SLC45A4: variants seen among roughly 807,000 people sequenced by gnomAD.
SLC45A4 encodes polyamine-transporter SLC45A4.
In SLC45A4, 32 loss-of-function variants were observed where a neutral mutation model predicts 63.7. The observed-to-expected ratio is 0.50, with a 90% CI of 0.38 to 0.67. SLC45A4 has a LOEUF of 0.67. SLC45A4 is among the 30% of genes least tolerant of loss of function. The pLI, the probability that SLC45A4 is intolerant of heterozygous loss-of-function variation, is 0.00. For missense variants in SLC45A4, 1,027 were observed against 1,157.7 expected (o/e 0.89, Z 1.64); for synonymous variants, 535 against 510.0 (o/e 1.05, Z -0.66).
intron 2 of SLC45A4, among the ~76,000 whole-genome samples, chr8:141,235,564 G>A (rs1220628480): frequency 6.6e-6 from 1 of 152,228 alleles, no homozygotes; most frequent in Non-Finnish European, 1.5e-5. Context: ...GCCACAGGGA[G>A]CCAGGCTGGC....
intron 1 of SLC45A4, among the ~76,000 whole-genome samples, chr8:141,306,240 AAC>A (rs1026491440): frequency 4.6e-5 from 7 of 152,186 alleles, no homozygotes; most frequent in African/African-American, 2.4e-5. Flanking sequence ...GGGCCAAAAA[AAC>A]ACACCTTTAA....
chr8:141,239,540 G>T (rs567143608), intron 2 of SLC45A4, among the ~76,000 whole-genome samples: 1 of 151,800 alleles, frequency 6.6e-6, no homozygotes, highest in Admixed American at 6.6e-5. Flanking sequence ...GCTTAGCAAA[G>T]TAAGTGCTTA....
At chr8:141,216,061 C>G in intron 6 of SLC45A4, 91 bp from the exon 7 acceptor site, 2 of 1,140,318 alleles carry the variant, frequency 1.8e-6, no homozygotes, top group South Asian at 1.4e-5. Context: ...CCCCCCACAT[C>G]CCCCCGACCT....
At chr8:141,269,554 C>CGCG (rs2154614897) in intron 1 of SLC45A4, among the ~76,000 whole-genome samples, 1 of 143,920 alleles carries the variant, frequency 6.9e-6, no homozygotes, top group East Asian at 2.0e-4. Flanking sequence ...GTGGGTGTGT[C>CGCG]TGTGTGTCAA....
chr8:141,277,197 C>T (rs1363834629), intron 1 of SLC45A4, among the ~76,000 whole-genome samples: 2 of 152,360 alleles, frequency 1.3e-5, no homozygotes, highest in South Asian at 2.1e-4. Context: ...GTTTTGTCTG[C>T]ATCCTGTGAC....
chr8:141,207,426 C>T lies in SLC45A4; in HGVS notation c.*4146G>A, dbSNP rs116984236. 757 of 152,278 alleles carry T rather than the reference C, an allele frequency of 5.0e-3. 2 individuals are homozygous for T. The highest frequency in any genetic ancestry group is 7.6e-3 in the Non-Finnish European group (517 of 67,998). The allele number at this position is 152,278 out of a possible 1,614,324, so 9.4% of individuals were successfully genotyped here. On this transcript the variant is annotated 3_prime_UTR_variant, in exon 9 of 9. Transcript: ENST00000517878. ...TAATAGAAGAGAGTCATGAGCGACA[C>T]GACACTTCCTTACGACCTCTCTCTC...
intron 1 of SLC45A4, among the ~76,000 whole-genome samples, chr8:141,266,302 G>GCGGCACATGCTGATGAGGGC (rs1467813934): frequency 6.6e-6 from 1 of 152,194 alleles, no homozygotes; most frequent in Non-Finnish European, 1.5e-5. Context: ...CCGCTTGTGG[G>GCGGCACATGCTGATGAGGGC]CGGCACATGC....
intron 1 of SLC45A4, among the ~76,000 whole-genome samples, chr8:141,297,925 C>T (rs1222455819): frequency 1.1e-5 from 1 of 91,150 alleles, no homozygotes; most frequent in South Asian, 4.8e-4. Context: ...GGACATGACA[C>T]CCAAAATTGC....
intron 2 of SLC45A4, chr8:141,228,687 T>C: frequency 1.1e-5 from 10 of 950,674 alleles, no homozygotes; most frequent in Non-Finnish European, 1.3e-5. Flanking sequence ...GCCTTTGGCC[T>C]GAGATTCCGG....
intron 6 of SLC45A4, among the ~76,000 whole-genome samples, chr8:141,216,424 G>A (rs915646635): frequency 1.3e-5 from 2 of 152,204 alleles, no homozygotes; most frequent in Non-Finnish European, 2.9e-5. Flanking sequence ...TTCCTGATGC[G>A]GCAGCTCAGA....
intron 2 of SLC45A4, chr8:141,228,497 A>G (rs149552210): frequency 4.3e-5 from 57 of 1,321,014 alleles, no homozygotes; most frequent in Non-Finnish European, 5.2e-5. Context: ...CTTCACTGGC[A>G]GGCACCTGTC....
chr8:141,211,522 C>G lies in SLC45A4; in HGVS notation c.*50G>C. On this transcript the variant is annotated 3_prime_UTR_variant, in exon 9 of 9. Transcript: ENST00000517878. ...GTCGCTGCCCAAGGACAGGGCTGCC[C>G]TGGGCACAATGTGTCCAACTCGCTG... is the stretch of plus-strand genomic sequence containing the variant. 6.2e-7 allele frequency: 1 copy of G among 1,612,780 alleles called. No individual in the cohort carries two copies. The highest frequency in any genetic ancestry group is 8.5e-7 in the Non-Finnish European group (1 of 1,179,728).
chr8:141,216,264 G>A (rs1471948979), intron 6 of SLC45A4, among the ~76,000 whole-genome samples: 1 of 152,250 alleles, frequency 6.6e-6, no homozygotes, highest in Non-Finnish European at 1.5e-5. Context: ...TGCCCTGCCA[G>A]GCCAATCTGG....
intron 2 of SLC45A4, among the ~76,000 whole-genome samples, chr8:141,231,360 T>TG (rs1827338628): frequency 6.6e-6 from 1 of 152,056 alleles, no homozygotes; most frequent in African/African-American, 2.4e-5. Flanking sequence ...TGCAAGTTGG[T>TG]GGGGGGAGGA....
At chr8:141,274,667 C>T (rs999894165) in intron 1 of SLC45A4, among the ~76,000 whole-genome samples, 7 of 152,198 alleles carry the variant, frequency 4.6e-5, no homozygotes, top group Admixed American at 2.0e-4. Context: ...ACCCTCTCCC[C>T]TTCACTCTCC....
At chr8:141,240,878 C>T (rs184199994) in intron 2 of SLC45A4, among the ~76,000 whole-genome samples, 9 of 152,348 alleles carry the variant, frequency 5.9e-5, no homozygotes, top group East Asian at 1.9e-4. Context: ...GCCTGCAGGA[C>T]GCTTCCCAGA....
chr8:141,257,620 T>C (rs1354086473), intron 1 of SLC45A4, among the ~76,000 whole-genome samples: 1 of 152,220 alleles, frequency 6.6e-6, no homozygotes, highest in African/African-American at 2.4e-5. Flanking sequence ...GCAATAAATG[T>C]CTGTAATAAG....
rs1826306083 is a variant in SLC45A4, at chr8:141,218,239, C to T, written c.1401G>A (p.Gln467=). The T allele has an allele frequency of 1.2e-6, 2 of 1,601,672 alleles. No homozygotes were observed. Among genetic ancestry groups the T allele is most frequent in the Non-Finnish European group, 1.7e-6 (2 of 1,179,596 alleles). Residue 467 remains glutamine (Q), a synonymous_variant, in exon 5 of 9, where the codon CAG becomes CAA. Transcript: ENST00000517878. ...CCCCGCTCTGGTTCCGGTGCCGGTG[C>T]TGCCGCTGCCGCTTCTGCATGTCGT... The part of the protein sequence containing the change: ...DLYDMQKRQR[Q]HRHRNQSGAT...
chr8:141,218,381 C>T lies in SLC45A4; in HGVS notation c.1259G>A (p.Arg420His), dbSNP rs766781426. Residue 420 changes from arginine to histidine, a missense_variant, in exon 5 of 9, where the codon CGC becomes CAC. Transcript: ENST00000517878. ...SSMRRRRHAF[R>H]RQASSTFSYY... ...GGAGAAGGTGCTGGAGGCCTGCCTG[C>T]GGAACGCGTGCCGCCGCCGCCGCAT... is the stretch of plus-strand genomic sequence containing the variant. The T allele has an allele frequency of 1.2e-5, 19 of 1,608,148 alleles. No homozygotes were observed. Among genetic ancestry groups the T allele is most frequent in the Middle Eastern group, 1.6e-4 (1 of 6,080 alleles).
Sources: gnomAD v4.1 joint callset for allele counts (sites outside exome capture counted in the v4.1 genomes callset) on GRCh38, gnomAD v4.1.1 for gene constraint, MANE v1.5 for transcripts, NCBI Gene and HGNC (gene_info 2026-07-23, HGNC 2026-07-21) for gene names.